Variants in CTDSP2 observed in about 807,000 individuals in gnomAD.
CTDSP2 encodes the protein carboxy-terminal domain RNA polymerase II polypeptide A small phosphatase 2.
Under a neutral mutation model 31.6 loss-of-function variants are expected in CTDSP2, and 9 were observed. The observed-to-expected ratio is 0.28, with a 90% CI of 0.17 to 0.50. CTDSP2 has a LOEUF of 0.50. Among genes scored for constraint, CTDSP2 ranks in the 20% least tolerant of loss-of-function variants. CTDSP2 has a pLI of 0.98. For missense variants in CTDSP2, 267 were observed against 348.5 expected (o/e 0.77, Z 1.86); for synonymous variants, 134 against 134.5 (o/e 1.00, Z 0.03).
At chr12:57,839,767 C>G (rs1956271535) in intron 1 of CTDSP2, among the ~76,000 whole-genome samples, 1 of 152,020 alleles carries the variant, frequency 6.6e-6, no homozygotes, top group Non-Finnish European at 1.5e-5. Context: ...GTCTGGCTGA[C>G]ACTAGCCATG....
Position 57,821,468 on chromosome 12 carries a change from T to G in CTDSP2, c.*2134A>C, listed in dbSNP as rs1017019425. ...TCCAAGGGAGGGCGGAAAGGGTCCT[T>G]GCAACTCAGTCAGCTTAGAGCCTCT... is the stretch of plus-strand genomic sequence containing the variant. On this transcript the variant is annotated 3_prime_UTR_variant, in exon 8 of 8. Transcript: ENST00000398073. 6.5e-6 allele frequency: 1 copy of G among 152,676 alleles called. No individual in the cohort carries two copies. Among genetic ancestry groups the G allele is most frequent in the Non-Finnish European group, 1.5e-5 (1 of 68,054 alleles). 9.5% of individuals were successfully genotyped at this position (152,676 alleles called of 1,614,324 possible). A position where few individuals can be genotyped will look rare whatever the true frequency, so the allele number is the denominator to read the frequency against.
chr12:57,822,075 AG>A lies in CTDSP2; in HGVS notation c.*1526del, dbSNP rs2140470874. The A allele has an allele frequency of 6.6e-6, 1 of 152,392 alleles. No homozygotes were observed. Among genetic ancestry groups the A allele is most frequent in the Admixed American group, 6.5e-5 (1 of 15,292 alleles). 9.4% of individuals were successfully genotyped at this position (152,392 alleles called of 1,614,324 possible). ...TGATACCTGCCTCCAGGGAACACAGAGATGGGAACAGGAGCGCCCTCCCACC... is the reference window on the plus strand; with the variant it reads ...TGATACCTGCCTCCAGGGAACACAGAATGGGAACAGGAGCGCCCTCCCACC... On this transcript the variant is annotated 3_prime_UTR_variant, in exon 8 of 8. Transcript: ENST00000398073.
intron 1 of CTDSP2, among the ~76,000 whole-genome samples, chr12:57,832,536 T>C (rs1956221824): frequency 6.6e-6 from 1 of 151,936 alleles, no homozygotes; most frequent in Non-Finnish European, 1.5e-5. Context: ...TCACACCTGA[T>C]ATCCCAGCAC....
At chr12:57,844,398 C>G (rs1302860539) in intron 1 of CTDSP2, among the ~76,000 whole-genome samples, 2 of 152,204 alleles carry the variant, frequency 1.3e-5, no homozygotes, top group African/African-American at 4.8e-5. Flanking sequence ...GCTCTGATTT[C>G]TAAGATGCCC....
In CTDSP2 at chr12:57,836,761, A is replaced by G. The variant is rs112463655; in HGVS notation, c.65-7165T>C. On this transcript the variant is annotated intron_variant, in intron 1 of 7. Transcript: ENST00000398073. Reference sequence around the variant, plus strand: ...CTTCTCCTGAAAGTCAGGTCCAGATACCACTTTTGTCAACAACACAGCTTT... The same window carrying G: ...CTTCTCCTGAAAGTCAGGTCCAGATGCCACTTTTGTCAACAACACAGCTTT... Among the ~76,000 whole-genome samples, 596 of 152,324 alleles carry G rather than the reference A, an allele frequency of 3.9e-3. 16 individuals are homozygous for G. In the South Asian group the frequency reaches 0.07, roughly 18 times the overall value.
rs891107623 is a variant in CTDSP2 at position 57,822,380 on chromosome 12, T to G, written c.*1222A>C. On this transcript the variant is annotated 3_prime_UTR_variant, in exon 8 of 8. Transcript: ENST00000398073. Reference sequence around the variant, plus strand: ...TACCAGAGGCAGAAAGCATGCGCATTAGGCTGGCAAATGGCAAGAACACTC... The same window carrying G: ...TACCAGAGGCAGAAAGCATGCGCATGAGGCTGGCAAATGGCAAGAACACTC... The G allele has an allele frequency of 1.3e-5, 2 of 152,208 alleles. No homozygotes were observed. Among genetic ancestry groups the G allele is most frequent in the African/African-American group, 4.8e-5 (2 of 41,450 alleles). 9.4% of individuals were successfully genotyped at this position (152,208 alleles called of 1,614,324 possible). A position where few individuals can be genotyped will look rare whatever the true frequency, so the allele number is the denominator to read the frequency against.
In CTDSP2 at chr12:57,823,933, C is replaced by T. The variant is rs763692586; in HGVS notation, c.661G>A (p.Ala221Thr). ...TTCTCGGGGTGGAATATGTAAGAAG[C>T]AGGCGAGTTGTCCAGGATGAGGGTC... Reference protein sequence around the residue: ...RKTLILDNSPASYIFHPENAV... With the variant: ...RKTLILDNSPTSYIFHPENAV... The change falls in exon 7 of 8, where the codon GCT becomes ACT. Residue 221 changes from alanine to threonine, a missense_variant. This residue lies in a region of CTDSP2 where 156 missense variants were observed against 241.3 expected (regional missense o/e 0.65). Coordinates refer to ENST00000398073, the MANE Select transcript of CTDSP2 (RefSeq NM_005730.4). 1.8e-5 allele frequency: 29 copies of T among 1,613,958 alleles called. No individual in the cohort carries two copies. Among genetic ancestry groups the T allele is most frequent in the Non-Finnish European group, 2.1e-5 (25 of 1,180,012 alleles).
chr12:57,830,595 C>T (rs1452121345), intron 1 of CTDSP2, among the ~76,000 whole-genome samples: 1 of 152,154 alleles, frequency 6.6e-6, no homozygotes, highest in Non-Finnish European at 1.5e-5. Context: ...GGATGGGGAG[C>T]CTAATTGGTA....
chr12:57,846,222 G>T, intron 1 of CTDSP2, 150 bp downstream of exon 1: 2 of 668,740 alleles, frequency 3.0e-6, no homozygotes, highest in Non-Finnish European at 4.9e-6. Flanking sequence ...AGTGCCAGCC[G>T]GGATGCGGGG....
In CTDSP2 at chr12:57,821,100, T is replaced by G. The variant is rs1956142220; in HGVS notation, c.*2502A>C. On this transcript the variant is annotated 3_prime_UTR_variant, in exon 8 of 8. Coordinates refer to ENST00000398073, the MANE Select transcript of CTDSP2 (RefSeq NM_005730.4). ...TGGCCTGATTCCTTTGAGGAGCAAA[T>G]TTTACAATCATCCCTCACCCTAACA... The G allele has an allele frequency of 1.3e-5, 2 of 152,164 alleles. No individual in the cohort carries two copies. Among genetic ancestry groups the G allele is most frequent in the African/African-American group, 4.8e-5 (2 of 41,432 alleles). The allele number at this position is 152,164 out of a possible 1,614,324, so 9.4% of individuals were successfully genotyped here.
intron 2 of CTDSP2, 104 bp downstream of exon 2, chr12:57,829,344 T>C (rs1956201207): frequency 7.3e-7 from 1 of 1,366,198 alleles, no homozygotes; most frequent in Non-Finnish European, 1.0e-6. Context: ...CCAGAAATCT[T>C]TGCAACTTCA....
intron 1 of CTDSP2, among the ~76,000 whole-genome samples, chr12:57,837,744 A>C (rs1266053561): frequency 6.6e-6 from 1 of 152,182 alleles, no homozygotes; most frequent in Non-Finnish European, 1.5e-5. Context: ...AGTTTTAGCC[A>C]TGCTGTTTGG....
chr12:57,839,004 A>G (rs1956264732), intron 1 of CTDSP2, among the ~76,000 whole-genome samples: 1 of 152,218 alleles, frequency 6.6e-6, no homozygotes, highest in African/African-American at 2.4e-5. Context: ...ACCGGAAATG[A>G]TGTTTTCCGG....
At chr12:57,839,145 A>G (rs557121123) in intron 1 of CTDSP2, among the ~76,000 whole-genome samples, 3 of 152,312 alleles carry the variant, frequency 2.0e-5, no homozygotes, top group African/African-American at 7.2e-5. Flanking sequence ...ACCCATCTCC[A>G]GGGACATTCT....
Position 57,824,168 on chromosome 12 carries a change from T to C in CTDSP2, c.504+59A>G. 6.8e-6 allele frequency: 11 copies of C among 1,609,638 alleles called. No homozygotes were observed. In the South Asian group the frequency reaches 1.2e-4, roughly 18 times the overall value. ...ACCCTAGGGACCAAAAGGGAGCTGC[T>C]GGACCACCCCCGTGGCCACCACACC... On this transcript the variant is annotated intron_variant, in intron 6 of 7. Transcript: ENST00000398073.
chr12:57,844,720 T>C (rs2140486984), intron 1 of CTDSP2, among the ~76,000 whole-genome samples: 1 of 152,102 alleles, frequency 6.6e-6, no homozygotes, highest in East Asian at 1.9e-4. Flanking sequence ...GTGAAGTTGC[T>C]GCCTGGGTCA....
chr12:57,831,940 C>CT (rs1956218243), intron 1 of CTDSP2, among the ~76,000 whole-genome samples: 1 of 152,180 alleles, frequency 6.6e-6, no homozygotes, highest in Non-Finnish European at 1.5e-5. Context: ...GCTGCCAGTA[C>CT]CCCCTGGAGA....
intron 5 of CTDSP2, 120 bp downstream of exon 5, chr12:57,826,226 T>C (rs1362997450): frequency 3.0e-6 from 2 of 668,194 alleles, no homozygotes; most frequent in Non-Finnish European, 4.9e-6. Flanking sequence ...GCTGGAGTTA[T>C]AGAAAAGGGA....
In CTDSP2 at chr12:57,823,452, T is replaced by G; in HGVS notation, c.*150A>C. The G allele has an allele frequency of 1.1e-6, 1 of 872,722 alleles. No homozygotes were observed. Among genetic ancestry groups the G allele is most frequent in the Non-Finnish European group, 1.7e-6 (1 of 577,860 alleles). 54.1% of individuals were successfully genotyped at this position (872,722 alleles called of 1,614,324 possible). A position where few individuals can be genotyped will look rare whatever the true frequency, so the allele number is the denominator to read the frequency against. Reference sequence around the variant, plus strand: ...GTCTGGCATTCGCCCACTCGGCATCTAAGCTGTCCTAAAGCTCTTTCCAGT... The same window carrying G: ...GTCTGGCATTCGCCCACTCGGCATCGAAGCTGTCCTAAAGCTCTTTCCAGT... On this transcript the variant is annotated 3_prime_UTR_variant, in exon 8 of 8. Transcript: ENST00000398073.
Sources: gnomAD v4.1 joint callset for allele counts (sites outside exome capture counted in the v4.1 genomes callset) on GRCh38, gnomAD v4.1.1 for gene constraint, gnomAD v4.1.1 regional missense constraint, MANE v1.5 for transcripts, NCBI Gene and HGNC (gene_info 2026-07-23, HGNC 2026-07-21) for gene names.